RXFP2: variants seen among roughly 807,000 people sequenced by gnomAD.
RXFP2 encodes the protein relaxin family peptide receptor 2.
Under a neutral mutation model 88.6 loss-of-function variants are expected in RXFP2, and 68 were observed. The observed-to-expected ratio is 0.77, with a 90% CI of 0.63 to 0.94. The LOEUF is 0.94. RXFP2 is among the 40% of genes least tolerant of loss of function. The pLI is 0.00. For missense variants in RXFP2, 791 were observed against 893.9 expected (o/e 0.88, Z 1.47); for synonymous variants, 329 against 306.8 (o/e 1.07, Z -0.76).
intron 17 of RXFP2, among the ~76,000 whole-genome samples, chr13:31,801,677 G>C (rs765318304): frequency 2.0e-5 from 3 of 152,044 alleles, no homozygotes; most frequent in African/African-American, 7.3e-5. Context: ...CTTTTAATAG[G>C]ATAACAGGAT....
At chr13:31,772,701 T>G (rs936620576) in intron 5 of RXFP2, among the ~76,000 whole-genome samples, 1 of 152,204 alleles carries the variant, frequency 6.6e-6, no homozygotes, top group African/African-American at 2.4e-5. Context: ...GGCAACCAGC[T>G]AACTAAATAG....
chr13:31,788,024 T>C (rs1873627027), intron 13 of RXFP2, among the ~76,000 whole-genome samples: 1 of 152,156 alleles, frequency 6.6e-6, no homozygotes, highest in Non-Finnish European at 1.5e-5. Context: ...AGCATTGTTT[T>C]AGCACTTGGG....
chr13:31,798,631 T>C (rs1053127330), intron 17 of RXFP2, among the ~76,000 whole-genome samples: 1 of 152,196 alleles, frequency 6.6e-6, no homozygotes, highest in Non-Finnish European at 1.5e-5. Flanking sequence ...AAAGTGTCCG[T>C]TGGCCTCCAT....
At chr13:31,769,946 G>A (rs1261931562) in intron 5 of RXFP2, among the ~76,000 whole-genome samples, 2 of 152,138 alleles carry the variant, frequency 1.3e-5, no homozygotes, top group African/African-American at 2.4e-5. Context: ...CCCAGGTCAT[G>A]GAGTAAAATA....
In RXFP2 at chr13:31,775,317, G is replaced by T; in HGVS notation, c.570-1G>T. On this transcript the variant is annotated splice_acceptor_variant, in intron 6 of 17. Coordinates refer to ENST00000298386, the MANE Select transcript of RXFP2 (RefSeq NM_130806.5). LOFTEE classifies it high-confidence loss of function. ...AATTAACTCACCCATGCTATTTGTA[G>T]ATATCTCAACCACAACTGCATCACA... 3.1e-6 allele frequency: 5 copies of T among 1,612,188 alleles called. No individual in the cohort carries two copies. Among genetic ancestry groups the T allele is most frequent in the Non-Finnish European group, 4.2e-6 (5 of 1,178,338 alleles).
Position 31,789,415 on chromosome 13 carries a change from A to G in RXFP2, c.1145+222A>G, listed in dbSNP as rs1013002092. 3.9e-5 allele frequency among the ~76,000 whole-genome samples: 6 copies of G among 152,190 alleles called. No homozygotes were observed. In the East Asian group the frequency reaches 1.2e-3, roughly 29 times the overall value. On this transcript the variant is annotated intron_variant, in intron 14 of 17. Transcript: ENST00000298386. The stretch of plus-strand genomic sequence containing the variant: ...TCTCTGGAAACACGCTGTTTATCCA[A>G]TTGAGGCCCAATAAGAGATCAGGGT...
chr13:31,755,571 T>C (rs1207995472), intron 1 of RXFP2, among the ~76,000 whole-genome samples: 2 of 152,116 alleles, frequency 1.3e-5, no homozygotes, highest in Admixed American at 6.6e-5. Context: ...CACAAAGATA[T>C]ATTGACTCTC....
intron 13 of RXFP2, among the ~76,000 whole-genome samples, chr13:31,786,993 C>T (rs1369108272): frequency 6.6e-6 from 1 of 152,192 alleles, no homozygotes; most frequent in Non-Finnish European, 1.5e-5. Flanking sequence ...TTCCCCTTTG[C>T]CCTTTCCTAC....
At position 31,775,344 on chromosome 13, in the gene RXFP2, C is replaced by T; in HGVS notation, c.596C>T (p.Thr199Ile). 1 of 1,613,714 alleles carries T rather than the reference C, an allele frequency of 6.2e-7. No homozygotes were observed. The highest frequency in any genetic ancestry group is 8.5e-7 in the Non-Finnish European group (1 of 1,179,674). ...ILYLNHNCIT[T>I]LRPGIFKDLH... ...TATCTCAACCACAACTGCATCACAA[C>T]CCTCAGACCTGGAATATTCAAAGAC... The change falls in exon 7 of 18, where the codon ACC (threonine) becomes ATC (isoleucine). Residue 199 changes from threonine to isoleucine, a missense_variant. By Grantham distance (89) the Thr-to-Ile change is moderately conservative. Transcript: ENST00000298386.
Position 31,797,341 on chromosome 13 carries a change from A to T in RXFP2, c.1927A>T (p.Ile643Leu), listed in dbSNP as rs757070167. 6.2e-7 allele frequency: 1 copy of T among 1,614,022 alleles called. No individual in the cohort carries two copies. The highest frequency in any genetic ancestry group is 1.7e-4 in the Middle Eastern group (1 of 6,060). Residue 643 changes from isoleucine to leucine, a missense_variant, in exon 17 of 18, where the codon ATA becomes TTA. By Grantham distance (5) the Ile-to-Leu change is conservative (BLOSUM62 2). Coordinates refer to ENST00000298386, the MANE Select transcript of RXFP2 (RefSeq NM_130806.5). Reference sequence around the variant, plus strand: ...GGCTGTTGCAAATCGTTTCTTTTTTATAGTGTTCTCTGATGCCATCTGCTG... The same window carrying T: ...GGCTGTTGCAAATCGTTTCTTTTTTTTAGTGTTCTCTGATGCCATCTGCTG... The part of the protein sequence containing the change: ...EVAVANRFFF[I>L]VFSDAICWIP...
At chr13:31,794,347 A>T (rs1372764161) in intron 16 of RXFP2, among the ~76,000 whole-genome samples, 1 of 147,400 alleles carries the variant, frequency 6.8e-6, no homozygotes, top group Non-Finnish European at 1.5e-5. Flanking sequence ...CACTTAATAG[A>T]GACTCTCCCT....
intron 1 of RXFP2, among the ~76,000 whole-genome samples, chr13:31,754,572 A>G (rs1000969796): frequency 2.0e-5 from 3 of 152,188 alleles, no homozygotes; most frequent in Non-Finnish European, 4.4e-5. Flanking sequence ...TTTCATAATA[A>G]ACCCTGGAAG....
intron 11 of RXFP2, among the ~76,000 whole-genome samples, chr13:31,785,231 G>A (rs1276609683): frequency 2.0e-5 from 3 of 152,042 alleles, no homozygotes; most frequent in African/African-American, 7.3e-5. Flanking sequence ...ACTCTACTAT[G>A]AAAACTACTG....
At chr13:31,742,448 G>A (rs1271858874) in intron 1 of RXFP2, among the ~76,000 whole-genome samples, 2 of 152,184 alleles carry the variant, frequency 1.3e-5, no homozygotes, top group Non-Finnish European at 2.9e-5. Context: ...AATCAATTAT[G>A]TTTCAGGCCA....
rs1288457948 is a variant in RXFP2, at chr13:31,786,369, A to G, written c.930-14A>G. 3 of 1,579,430 alleles carry G rather than the reference A, an allele frequency of 1.9e-6. No homozygotes were observed. The highest frequency in any genetic ancestry group is 2.7e-5 in the African/African-American group (2 of 74,150). ...TCCAAAGTAATTGCTTTGGGTTTTC[A>G]TTGTCGTCAACAGGGATCTGTCTAG... On this transcript the variant is annotated splice_polypyrimidine_tract_variant and intron_variant, in intron 11 of 17. Coordinates refer to ENST00000298386, the MANE Select transcript of RXFP2 (RefSeq NM_130806.5).
intron 1 of RXFP2, among the ~76,000 whole-genome samples, chr13:31,745,802 C>T (rs1298913149): frequency 6.6e-6 from 1 of 152,142 alleles, no homozygotes; most frequent in African/African-American, 2.4e-5. Flanking sequence ...GACCTTGATC[C>T]AGAAGTTCAG....
chr13:31,765,055 A>G lies in RXFP2; in HGVS notation c.338A>G (p.Gln113Arg). The change falls in exon 4 of 18, where the codon CAA (glutamine) becomes CGA (arginine). Residue 113 changes from glutamine to arginine, a missense_variant. Physicochemically the swap from Gln to Arg is conservative, Grantham distance 43 (BLOSUM62 1). Transcript: ENST00000298386. Reference protein sequence around the residue: ...TQECFLKQYPQCCDCKETELE... With the variant: ...TQECFLKQYPRCCDCKETELE... ...CCATTAGTTCTAAAACAGTATCCAC[A>G]ATGCTGTGACTGCAAAGAAACTGAA... 1 of 1,603,104 alleles carries G rather than the reference A, an allele frequency of 6.2e-7. No homozygotes were observed. Among genetic ancestry groups the G allele is most frequent in the South Asian group, 1.1e-5 (1 of 90,890 alleles).
chr13:31,760,116 C>T (rs1054361455), intron 2 of RXFP2, among the ~76,000 whole-genome samples: 2 of 151,888 alleles, frequency 1.3e-5, no homozygotes, highest in Non-Finnish European at 2.9e-5. Flanking sequence ...GAGATGGAGT[C>T]TTGCTCTTGT....
chr13:31,767,670 A>G (rs1035600703), intron 5 of RXFP2, among the ~76,000 whole-genome samples: 5 of 152,082 alleles, frequency 3.3e-5, no homozygotes, highest in Non-Finnish European at 5.9e-5. Context: ...AAAGTCTGCA[A>G]TGGTTAAATG....
Sources: gnomAD v4.1 joint callset for allele counts (sites outside exome capture counted in the v4.1 genomes callset) on GRCh38, gnomAD v4.1.1 for gene constraint, MANE v1.5 for transcripts, NCBI Gene and HGNC (gene_info 2026-07-23, HGNC 2026-07-21) for gene names.